Variants in SHLD2 observed in about 807,000 individuals in gnomAD.
SHLD2 encodes the protein RINN1-REV7-interacting novel NHEJ regulator 2.
A neutral mutation model predicts 73.2 loss-of-function variants in SHLD2; 30 were observed. That is an observed-to-expected ratio of 0.41 (90% CI 0.31 to 0.56). The LOEUF (loss-of-function observed/expected upper bound fraction) is 0.56, where lower values mean the gene tolerates loss of function less well. SHLD2 is among the 20% of genes least tolerant of loss of function. SHLD2 has a pLI of 0.28. For missense variants in SHLD2, 745 were observed against 1,055.9 expected, an observed-to-expected ratio of 0.71 and a Z score of 4.08; for synonymous variants, 285 against 370.1, an observed-to-expected ratio of 0.77 and a Z score of 2.64.
intron 2 of SHLD2, among the ~76,000 whole-genome samples, chr10:87,121,472 T>C (rs1433194574): frequency 7.3e-6 from 1 of 136,930 alleles, no homozygotes; most frequent in East Asian, 3.7e-4. Flanking sequence ...GGCAAGCTGC[T>C]TAACCTATCC....
At chr10:87,133,646 C>G (rs2260287) in intron 2 of SHLD2, among the ~76,000 whole-genome samples, 4 of 152,194 alleles carry the variant, frequency 2.6e-5, no homozygotes, top group Non-Finnish European at 5.9e-5. Context: ...ATAGCAGGAT[C>G]TCAGGAAGCA....
At chr10:87,095,047 G>A (rs1380658497), upstream of SHLD2, 1 of 145,016 alleles carries the variant, frequency 6.9e-6, no homozygotes, top group African/African-American at 2.5e-5. Context: ...GGGGCGCGCA[G>A]GCGCGGGCGG....
intron 2 of SHLD2, among the ~76,000 whole-genome samples, chr10:87,134,060 A>G (rs886243841): frequency 6.6e-6 from 1 of 152,224 alleles, no homozygotes; most frequent in Non-Finnish European, 1.5e-5. Flanking sequence ...GAGCTGGTCA[A>G]TCTTTAGATA....
intron 6 of SHLD2, among the ~76,000 whole-genome samples, chr10:87,175,520 C>T (rs555125122): frequency 1.5e-4 from 23 of 151,762 alleles, no homozygotes; most frequent in African/African-American, 5.6e-4. Context: ...CCTGTCTCTA[C>T]TAAAAATACA....
Position 87,180,163 on chromosome 10 carries a change from G to A in SHLD2, c.2259G>A (p.Leu753=). The A allele has an allele frequency of 6.2e-7, 1 of 1,613,822 alleles. No homozygotes were observed. Among genetic ancestry groups the A allele is most frequent in the Non-Finnish European group, 8.5e-7 (1 of 1,179,812 alleles). The change falls in exon 8 of 10, where the codon CTG becomes CTA. Residue 753 remains leucine (L), a synonymous_variant. Transcript: ENST00000298786. Reference sequence around the variant, plus strand: ...TAGCGCTAAATGCTCACAGTTCTCTGAAGAGTATTTTTTCTTCTCTTCCCA... The same window carrying A: ...TAGCGCTAAATGCTCACAGTTCTCTAAAGAGTATTTTTTCTTCTCTTCCCA... ...QKIALNAHSS[L]KSIFSSLPNI... is the part of the protein sequence containing the mutation.
Position 87,175,976 on chromosome 10 carries a change from G to A in SHLD2, c.2051G>A (p.Cys684Tyr). Residue 684 changes from cysteine (C) to tyrosine (Y), a missense_variant, in exon 7 of 10, where the codon TGT becomes TAT. By Grantham distance (194) the Cys-to-Tyr change is radical (BLOSUM62 -2). Coordinates refer to ENST00000298786, the MANE Select transcript of SHLD2 (RefSeq NM_001330112.2). ...LELHTTPWSS[C>Y]ECLFDDDIRA... is the part of the protein sequence containing the mutation. ...TTGCATACAACGCCTTGGTCATCCTGTGAGTGCTTGTTTGATGATGATATA... is the reference window on the plus strand; with the variant it reads ...TTGCATACAACGCCTTGGTCATCCTATGAGTGCTTGTTTGATGATGATATA... 37 of 1,550,278 alleles carry A rather than the reference G, an allele frequency of 2.4e-5. No homozygotes were observed. Among genetic ancestry groups the A allele is most frequent in the Non-Finnish European group, 3.2e-5 (37 of 1,146,890 alleles).
At chr10:87,177,537 T>G (rs1848023165) in intron 7 of SHLD2, among the ~76,000 whole-genome samples, 1 of 152,236 alleles carries the variant, frequency 6.6e-6, no homozygotes, top group Non-Finnish European at 1.5e-5. Context: ...TTCATTCTCT[T>G]TATGTTCAGC....
Position 87,187,118 on chromosome 10 carries a change from T to C in SHLD2, c.2433T>C (p.His811=), listed in dbSNP as rs1848669316. The C allele has an allele frequency of 1.9e-6, 3 of 1,613,468 alleles. No homozygotes were observed. The East Asian group carries it at 6.7e-5, about 36-fold the overall frequency. The change falls in exon 9 of 10, where the codon CAT becomes CAC. Residue 811 remains histidine, a synonymous_variant. Coordinates refer to ENST00000298786, the MANE Select transcript of SHLD2 (RefSeq NM_001330112.2). ...PALMTAIDGR[H]DVCIRVESKL... ...TAATGACTGCCATTGATGGAAGACATGATGTTTGTATCCGTGTAGAATCAA... is the reference window on the plus strand; with the variant it reads ...TAATGACTGCCATTGATGGAAGACACGATGTTTGTATCCGTGTAGAATCAA...
intron 8 of SHLD2, among the ~76,000 whole-genome samples, chr10:87,181,247 A>C (rs1848296518): frequency 7.0e-6 from 1 of 143,468 alleles, no homozygotes. Flanking sequence ...AAAGCTGGGC[A>C]GGTGACATAG....
intron 2 of SHLD2, among the ~76,000 whole-genome samples, chr10:87,099,769 A>G (rs988116895): frequency 1.3e-5 from 2 of 152,148 alleles, no homozygotes; most frequent in Admixed American, 6.5e-5. Flanking sequence ...GAAGGTTCCA[A>G]TTTCTCTACT....
chr10:87,172,904 G>A lies in SHLD2; in HGVS notation c.1963+1930G>A, dbSNP rs930678891. Among the ~76,000 whole-genome samples, 32 of 152,010 alleles carry A rather than the reference G, an allele frequency of 2.1e-4. 1 individual carries two copies. The highest frequency in any genetic ancestry group is 7.2e-5 in the African/African-American group (3 of 41,386). ...TTATTTCTGTATGGTAGTATTATAT[G>A]TGCTTTAATTTTTTCTTTATACCTT... On this transcript the variant is annotated intron_variant, in intron 6 of 9. Coordinates refer to ENST00000298786, the MANE Select transcript of SHLD2 (RefSeq NM_001330112.2).
At chr10:87,173,063 A>AGTTTTAGGAGAGACGAG in intron 6 of SHLD2, among the ~76,000 whole-genome samples, 2 of 147,902 alleles carry the variant, frequency 1.4e-5, no homozygotes, top group Admixed American at 6.7e-5. Context: ...TTTGAGACAG[A>AGTTTTAGGAGAGACGAG]GTTTCATTCT....
At chr10:87,189,999 C>T (rs1848938395) in intron 9 of SHLD2, among the ~76,000 whole-genome samples, 1 of 152,118 alleles carries the variant, frequency 6.6e-6, no homozygotes. Flanking sequence ...CATGCCGTCA[C>T]TCTGGAGTGC....
At chr10:87,146,476 T>A (rs1845618055) in intron 2 of SHLD2, among the ~76,000 whole-genome samples, 2 of 151,940 alleles carry the variant, frequency 1.3e-5, no homozygotes, top group East Asian at 3.9e-4. Context: ...GTATTTTTAG[T>A]AGAGACGGGG....
At chr10:87,134,939 G>A (rs1844695359) in intron 2 of SHLD2, among the ~76,000 whole-genome samples, 2 of 152,316 alleles carry the variant, frequency 1.3e-5, no homozygotes, top group East Asian at 1.9e-4. Flanking sequence ...CAAGGTGTGC[G>A]ACTGGAGAGC....
chr10:87,171,468 G>A (rs1191150754), intron 6 of SHLD2, among the ~76,000 whole-genome samples: 1 of 152,058 alleles, frequency 6.6e-6, no homozygotes, highest in African/African-American at 2.4e-5. Flanking sequence ...AATGTTCAGT[G>A]TTAAAATATG....
intron 2 of SHLD2, among the ~76,000 whole-genome samples, chr10:87,133,458 C>T (rs562027382): frequency 6.6e-6 from 1 of 152,262 alleles, no homozygotes; most frequent in South Asian, 2.1e-4. Context: ...TTTTCTACTG[C>T]AGTCTAATTT....
At chr10:87,163,961 C>CTTTTCT (rs750116873) in intron 4 of SHLD2, among the ~76,000 whole-genome samples, 2,426 of 117,804 alleles carry the variant, frequency 0.021, 43 homozygotes, top group Non-Finnish European at 0.029. Flanking sequence ...CTTTTCTTTT[C>CTTTTCT]TTTTTTTTTT....
Position 87,190,791 on chromosome 10 carries a change from A to G in SHLD2, c.*108A>G, listed in dbSNP as rs1219990028. The stretch of plus-strand genomic sequence containing the variant: ...TTGCTTTGGATTTTTTATGAAATAT[A>G]TTTTACAAAGAGAATTGCACTAGAT... On this transcript the variant is annotated 3_prime_UTR_variant, in exon 10 of 10. Coordinates refer to ENST00000298786, the MANE Select transcript of SHLD2 (RefSeq NM_001330112.2). 3 of 929,832 alleles carry G rather than the reference A, an allele frequency of 3.2e-6. No homozygotes were observed. Among genetic ancestry groups the G allele is most frequent in the Non-Finnish European group, 4.9e-6 (3 of 610,514 alleles). The allele number at this position is 929,832 out of a possible 1,614,324, so 57.6% of individuals were successfully genotyped here.
Sources: allele counts gnomAD v4.1 joint callset (sites outside exome capture counted in the v4.1 genomes callset), GRCh38; gene constraint gnomAD v4.1.1; transcripts MANE v1.5; gene names NCBI Gene and HGNC (gene_info 2026-07-23, HGNC 2026-07-21).